Variants in IFT74 observed in about 807,000 individuals in gnomAD.
The protein encoded by IFT74 is intraflagellar transport 74, also known as intraflagellar transport protein 74 homolog.
IFT74 carries 92 observed loss-of-function variants against 96.7 expected under a neutral mutation model. The ratio of observed to expected loss-of-function variants is 0.95; its 90% CI spans 0.80 to 1.13. IFT74 has a LOEUF of 1.13. Among genes scored for constraint, IFT74 ranks in the 50% most tolerant of loss-of-function variants. IFT74 has a pLI of 0.00. For missense variants in IFT74, 811 were observed against 698.2 expected (o/e 1.16, Z -1.82); for synonymous variants, 223 against 213.2 (o/e 1.05, Z -0.40).
At chr9:26,967,173 G>A (rs1226048377) in intron 2 of IFT74, among the ~76,000 whole-genome samples, 2 of 151,176 alleles carry the variant, frequency 1.3e-5, no homozygotes, top group Non-Finnish European at 2.9e-5. Flanking sequence ...CATTGAATTT[G>A]TAGATTAATT....
At chr9:27,030,248 C>G (rs574270307) in intron 13 of IFT74, among the ~76,000 whole-genome samples, 2 of 152,208 alleles carry the variant, frequency 1.3e-5, no homozygotes, top group South Asian at 4.1e-4. Context: ...TACATGTATT[C>G]TTGTTATGGC....
intron 11 of IFT74, among the ~76,000 whole-genome samples, 164 bp downstream of exon 11, chr9:27,017,214 T>A (rs1829389266): frequency 6.6e-6 from 1 of 151,566 alleles, no homozygotes; most frequent in Non-Finnish European, 1.5e-5. Context: ...TTCTTCCTCT[T>A]TTATTATTAT....
intron 16 of IFT74, among the ~76,000 whole-genome samples, chr9:27,051,937 A>G (rs575244240): frequency 2.0e-5 from 3 of 152,146 alleles, no homozygotes; most frequent in Non-Finnish European, 4.4e-5. Context: ...ATATTTAAGA[A>G]TATTTTCTCT....
rs773219516 is a variant in IFT74, at chr9:27,011,911, A to T, written c.732A>T (p.Leu244Phe). Residue 244 changes from leucine (L) to phenylalanine (F), a missense_variant, in exon 10 of 20, where the codon TTA becomes TTT. By Grantham distance (22) the Leu-to-Phe change is conservative. Transcript: ENST00000380062. The stretch of plus-strand genomic sequence containing the variant: ...GCTTTTTTTTTTCCACTTAGGAATT[A>T]GATACACTTCAACAACAATTGGATT... ...KTTNEKLLQE[L>F]DTLQQQLDSQ... The T allele has an allele frequency of 3.2e-6, 5 of 1,563,624 alleles. No homozygotes were observed. Among genetic ancestry groups the T allele is most frequent in the Non-Finnish European group, 4.3e-6 (5 of 1,156,032 alleles).
At chr9:26,994,810 AT>A (rs55942376) in intron 8 of IFT74, 1 of 152,624 alleles carries the variant, frequency 6.6e-6, no homozygotes, top group African/African-American at 2.4e-5. Context: ...GGAAATATGT[AT>A]TTTTAAAACA....
intron 9 of IFT74, among the ~76,000 whole-genome samples, chr9:27,010,281 G>A (rs970914582): frequency 6.6e-6 from 1 of 151,964 alleles, no homozygotes; most frequent in Non-Finnish European, 1.5e-5. Flanking sequence ...GAGCCACCGC[G>A]CCCGGCCTTA....
Position 27,064,467 on chromosome 9 carries a change from G to A in IFT74, c.*1731G>A, listed in dbSNP as rs909192277. 5.9e-5 allele frequency among the ~76,000 whole-genome samples: 9 copies of A among 152,038 alleles called. No homozygotes were observed. The highest frequency in any genetic ancestry group is 1.2e-4 in the Non-Finnish European group (8 of 67,958). ...TTTTGATGACAGTTTGCAGCCCTTC[G>A]TTCATTCATAAAGTATTACTGTAAT... is the stretch of plus-strand genomic sequence containing the variant. On this transcript the variant is annotated 3_prime_UTR_variant, in exon 20 of 20. Transcript: ENST00000380062.
At chr9:27,010,545 A>G (rs1455171781) in intron 9 of IFT74, among the ~76,000 whole-genome samples, 1 of 144,054 alleles carries the variant, frequency 6.9e-6, no homozygotes, top group African/African-American at 2.6e-5. Flanking sequence ...GCTGGAGTGC[A>G]GTGGCGCGAT....
Position 27,045,260 on chromosome 9 carries a change from C to G in IFT74, c.1108+465C>G, listed in dbSNP as rs192597875. Among the ~76,000 whole-genome samples the G allele has an allele frequency of 5.9e-5, 9 of 152,276 alleles. No homozygotes were observed. In the East Asian group the frequency reaches 1.7e-3, roughly 29 times the overall value. ...TTGTACTCTTGTTATGAGAATCTAACCCCTGATGATCTCAGGTAGAACAGT... is the reference window on the plus strand; with the variant it reads ...TTGTACTCTTGTTATGAGAATCTAAGCCCTGATGATCTCAGGTAGAACAGT... On this transcript the variant is annotated intron_variant, in intron 14 of 19. Transcript: ENST00000380062.
intron 13 of IFT74, among the ~76,000 whole-genome samples, chr9:27,033,594 A>T (rs1830224167): frequency 6.6e-6 from 1 of 150,432 alleles, no homozygotes; most frequent in South Asian, 2.1e-4. Flanking sequence ...AAAAAAAAAA[A>T]TGGTGCCTGG....
intron 2 of IFT74, among the ~76,000 whole-genome samples, chr9:26,972,787 C>T (rs929366911): frequency 6.6e-6 from 1 of 152,150 alleles, no homozygotes; most frequent in Non-Finnish European, 1.5e-5. Flanking sequence ...CTTGCCTGCA[C>T]TTATTAGGTG....
Position 26,998,265 on chromosome 9 carries a change from G to A in IFT74, c.587+8070G>A, listed in dbSNP as rs368439252. ...TCCTAGAAAAACAAAAAAAAGAAAG[G>A]CATTAATCAGAAAAAAAATTAATAG... On this transcript the variant is annotated intron_variant, in intron 8 of 19. Transcript: ENST00000380062. 5.5e-5 allele frequency: 70 copies of A among 1,281,176 alleles called. No individual in the cohort carries two copies. The African/African-American group carries it at 9.2e-4, about 17-fold the overall frequency. The allele number at this position is 1,281,176 out of a possible 1,614,324, so 79.4% of individuals were successfully genotyped here. A position where few individuals can be genotyped will look rare whatever the true frequency, so the allele number is the denominator to read the frequency against.
At chr9:27,031,786 A>AAAAT (rs1474513578) in intron 13 of IFT74, among the ~76,000 whole-genome samples, 2 of 140,618 alleles carry the variant, frequency 1.4e-5, no homozygotes, top group Admixed American at 7.1e-5. Flanking sequence ...TAAAATAAAT[A>AAAAT]AAATAAAATG....
intron 3 of IFT74, among the ~76,000 whole-genome samples, chr9:26,979,465 C>G (rs1827263467): frequency 6.6e-6 from 1 of 151,960 alleles, no homozygotes; most frequent in Non-Finnish European, 1.5e-5. Context: ...GATTGTTAGT[C>G]TCTACAAGTA....
At chr9:26,984,632 T>C in intron 6 of IFT74, 73 bp downstream of exon 6, 1 of 1,184,574 alleles carries the variant, frequency 8.4e-7, no homozygotes, top group Non-Finnish European at 1.2e-6. Flanking sequence ...AAAAATACAT[T>C]AGTAGGCAAA....
chr9:26,978,405 C>T, intron 3 of IFT74, 142 bp downstream of exon 3: 1 of 754,390 alleles, frequency 1.3e-6, no homozygotes, highest in Non-Finnish European at 2.0e-6. Flanking sequence ...AGGATTATAG[C>T]ATGTAAGAAT....
At position 26,982,919 on chromosome 9, in the gene IFT74, G is replaced by C. The variant is rs1408191092; in HGVS notation, c.306-1338G>C. ...ATAAACTTTTGTTATATGTCTCTGG[G>C]GATGCATCTCTAAATCAATGACTTT... On this transcript the variant is annotated intron_variant, in intron 4 of 19. Coordinates refer to ENST00000380062, the MANE Select transcript of IFT74 (RefSeq NM_025103.4). Among the ~76,000 whole-genome samples the C allele has an allele frequency of 3.9e-5, 6 of 152,002 alleles. No individual in the cohort carries two copies. The East Asian group carries it at 1.2e-3, about 29-fold the overall frequency.
At chr9:26,990,888 C>A (rs1827835968) in intron 8 of IFT74, among the ~76,000 whole-genome samples, 1 of 152,000 alleles carries the variant, frequency 6.6e-6, no homozygotes, top group Non-Finnish European at 1.5e-5. Context: ...GTTCTAAGGT[C>A]AAAAAGTTGA....
In IFT74 at chr9:26,963,618, CTGT is replaced by C. The variant is rs537256219; in HGVS notation, c.120+1536_120+1538del. On this transcript the variant is annotated intron_variant, in intron 2 of 19. Coordinates refer to ENST00000380062, the MANE Select transcript of IFT74 (RefSeq NM_025103.4). The stretch of plus-strand genomic sequence containing the variant: ...TATTTCTCCACATCCTCTCCAGCAC[CTGT>C]TGTTTCCTGACTTTTTAATGATCGC... 5.6e-3 allele frequency among the ~76,000 whole-genome samples: 841 copies of C among 151,458 alleles called. 8 individuals are homozygous for C. The highest frequency in any genetic ancestry group is 0.019 in the African/African-American group (781 of 41,178).
Sources: allele counts gnomAD v4.1 joint callset (sites outside exome capture counted in the v4.1 genomes callset), GRCh38; gene constraint gnomAD v4.1.1; transcripts MANE v1.5; gene names NCBI Gene and HGNC (gene_info 2026-07-23, HGNC 2026-07-21).